RBFOX1: variants seen among roughly 807,000 people sequenced by gnomAD.
RBFOX1 encodes the protein RNA binding protein fox-1 homolog 1.
RBFOX1 carries 8 observed loss-of-function variants against 57.7 expected under a neutral mutation model. That is an observed-to-expected ratio of 0.14 (90% CI 0.08 to 0.25). The LOEUF (loss-of-function observed/expected upper bound fraction) is 0.25, where lower values mean the gene tolerates loss of function less well. RBFOX1 is among the 10% of genes least tolerant of loss of function. The pLI, the probability that RBFOX1 is intolerant of heterozygous loss-of-function variation, is 1.00. For missense variants in RBFOX1, 611 were observed against 548.5 expected, an observed-to-expected ratio of 1.11 and a Z score of -1.14; for synonymous variants, 326 against 222.4, an observed-to-expected ratio of 1.47 and a Z score of -4.15.
At chr16:7,568,842 A>C (rs1033910177) in intron 5 of RBFOX1, among the ~76,000 whole-genome samples, 8 of 134,658 alleles carry the variant, frequency 5.9e-5, no homozygotes, top group Non-Finnish European at 9.3e-5. Context: ...AGCTGAGATC[A>C]CGCCACTGCA....
chr16:5,908,446 G>A (rs906602111), intron 4 of RBFOX1, among the ~76,000 whole-genome samples: 12 of 151,364 alleles, frequency 7.9e-5, no homozygotes, highest in East Asian at 2.0e-4. Context: ...TCTGCCTCCC[G>A]GTTTCAGGTG....
chr16:6,869,243 C>A (rs1411086900), intron 3 of RBFOX1, among the ~76,000 whole-genome samples: 1 of 152,172 alleles, frequency 6.6e-6, no homozygotes, highest in Non-Finnish European at 1.5e-5. Flanking sequence ...CCTATATGTG[C>A]AAAGTGCTTG....
intron 2 of RBFOX1, among the ~76,000 whole-genome samples, chr16:5,498,720 C>G (rs2043087225): frequency 2.0e-5 from 3 of 152,188 alleles, no homozygotes; most frequent in Admixed American, 2.0e-4. Flanking sequence ...TATTTCCCAG[C>G]AGAAATTATC....
At chr16:7,346,933 T>A (rs1016731967) in intron 4 of RBFOX1, among the ~76,000 whole-genome samples, 6 of 152,194 alleles carry the variant, frequency 3.9e-5, no homozygotes, top group Admixed American at 1.3e-4. Context: ...TTTATATGTT[T>A]ACTGTGTTTT....
intron 3 of RBFOX1, among the ~76,000 whole-genome samples, chr16:6,998,739 A>G (rs2092487947): frequency 6.6e-6 from 1 of 152,138 alleles, no homozygotes. Context: ...AACTTAATAT[A>G]TCAGGCTCTC....
chr16:7,424,538 G>C (rs1368247228), intron 4 of RBFOX1, among the ~76,000 whole-genome samples: 2 of 152,194 alleles, frequency 1.3e-5, no homozygotes, highest in East Asian at 1.9e-4. Context: ...GGGATTACAG[G>C]TGTGAACCAC....
At chr16:6,243,643 C>T (rs1202942278) in intron 1 of RBFOX1, among the ~76,000 whole-genome samples, 4 of 152,168 alleles carry the variant, frequency 2.6e-5, no homozygotes, top group Admixed American at 6.6e-5. Flanking sequence ...GCCCGTAACC[C>T]GGGCCTGTCT....
intron 3 of RBFOX1, among the ~76,000 whole-genome samples, chr16:5,689,563 C>CT (rs946683505): frequency 1.1e-4 from 17 of 152,128 alleles, no homozygotes; most frequent in African/African-American, 3.9e-4. Flanking sequence ...CCAGGAAAGA[C>CT]TTTTTGGGAC....
intron 4 of RBFOX1, among the ~76,000 whole-genome samples, chr16:7,433,583 T>C (rs1443724261): frequency 6.6e-6 from 1 of 152,226 alleles, no homozygotes; most frequent in Non-Finnish European, 1.5e-5. Context: ...GGGGTTCATG[T>C]CACACAGGTG....
chr16:6,793,361 C>T (rs899989700), intron 3 of RBFOX1, among the ~76,000 whole-genome samples: 3 of 151,860 alleles, frequency 2.0e-5, no homozygotes, highest in Non-Finnish European at 4.4e-5. Context: ...GATTTTCTTC[C>T]ATTGAGATTG....
intron 3 of RBFOX1, among the ~76,000 whole-genome samples, chr16:7,045,663 T>A (rs202072485): frequency 1.5e-5 from 2 of 131,078 alleles, no homozygotes; most frequent in African/African-American, 3.0e-5. Context: ...TTTTTTTTTT[T>A]CAATAGAGCG....
intron 4 of RBFOX1, among the ~76,000 whole-genome samples, chr16:6,010,775 T>G (rs1222432143): frequency 6.6e-6 from 1 of 152,226 alleles, no homozygotes; most frequent in African/African-American, 2.4e-5. Flanking sequence ...GAATCCAACA[T>G]TTTATCCATT....
intron 12 of RBFOX1, among the ~76,000 whole-genome samples, chr16:7,663,504 C>CGTGTGTGTGTGTGT (rs57358282): frequency 6.7e-6 from 1 of 148,848 alleles, no homozygotes; most frequent in African/African-American, 2.5e-5. Flanking sequence ...GTCAGTACAG[C>CGTGTGTGTGTGTGT]GTGTGTGTGT....
At chr16:6,533,168 G>C (rs1418082420) in intron 2 of RBFOX1, among the ~76,000 whole-genome samples, 1 of 152,172 alleles carries the variant, frequency 6.6e-6, no homozygotes, top group African/African-American at 2.4e-5. Flanking sequence ...ACAAACCATG[G>C]AACTAGATGA....
chr16:6,835,295 T>A (rs1191135046), intron 3 of RBFOX1, among the ~76,000 whole-genome samples: 9 of 152,148 alleles, frequency 5.9e-5, no homozygotes, highest in Admixed American at 6.5e-5. Flanking sequence ...TTCTGCATCT[T>A]TGTGAGTTTC....
chr16:6,863,405 C>T (rs8044581), intron 3 of RBFOX1, among the ~76,000 whole-genome samples: 30,812 of 151,864 alleles, frequency 0.2, 3,290 homozygotes, highest in East Asian at 0.28. Flanking sequence ...AAGCTCCTTA[C>T]TAAAATTTAG....
In RBFOX1 at chr16:7,639,751, T is replaced by C. The variant is rs560157438; in HGVS notation, c.757+9068T>C. 1.4e-3 allele frequency among the ~76,000 whole-genome samples: 217 copies of C among 152,274 alleles called. 1 individual carries two copies. Among genetic ancestry groups the C allele is most frequent in the African/African-American group, 5.1e-3 (210 of 41,556 alleles). On this transcript the variant is annotated intron_variant, in intron 11 of 15. Transcript: ENST00000550418. ...TTAAGTGTCCCTATTTTCACCATTC[T>C]TCAACACTGTAGACAGGTGCCCTTT...
chr16:6,923,679 T>G (rs1351033078), intron 3 of RBFOX1, among the ~76,000 whole-genome samples: 1 of 152,138 alleles, frequency 6.6e-6, no homozygotes, highest in Non-Finnish European at 1.5e-5. Flanking sequence ...CCTTTACTCT[T>G]TACCCCTTGA....
chr16:6,292,762 T>A (rs2077602926), intron 1 of RBFOX1, among the ~76,000 whole-genome samples: 1 of 152,218 alleles, frequency 6.6e-6, no homozygotes, highest in African/African-American at 2.4e-5. Flanking sequence ...AGCTCTGTAG[T>A]CCTCTGGGTT....
Sources: gnomAD v4.1 joint callset for allele counts (sites outside exome capture counted in the v4.1 genomes callset) on GRCh38, gnomAD v4.1.1 for gene constraint, MANE v1.5 for transcripts, NCBI Gene and HGNC (gene_info 2026-07-23, HGNC 2026-07-21) for gene names.